Variants in FBXW8 observed in about 807,000 individuals in gnomAD.
FBXW8 encodes F-box/WD repeat-containing protein 8.
FBXW8 carries 57 observed loss-of-function variants against 65.3 expected under a neutral mutation model. The ratio of observed to expected loss-of-function variants is 0.87; its 90% CI spans 0.71 to 1.09. The LOEUF is 1.09. Among genes scored for constraint, FBXW8 ranks in the 50% least tolerant of loss-of-function variants. The pLI is 0.00. For missense variants in FBXW8, 777 were observed against 814.8 expected, an observed-to-expected ratio of 0.95 and a Z score of 0.57; for synonymous variants, 308 against 330.2, an observed-to-expected ratio of 0.93 and a Z score of 0.73.
At chr12:116,926,241 G>C (rs1207167585) in intron 1 of FBXW8, among the ~76,000 whole-genome samples, 2 of 152,190 alleles carry the variant, frequency 1.3e-5, no homozygotes, top group Non-Finnish European at 2.9e-5. Flanking sequence ...ACAGTGAAAG[G>C]CTAGATGAGA....
chr12:116,983,629 AAGAT>A (rs1234192754), intron 5 of FBXW8, among the ~76,000 whole-genome samples: 7 of 152,382 alleles, frequency 4.6e-5, no homozygotes, highest in African/African-American at 1.2e-4. Flanking sequence ...AGAAAAAAGA[AAGAT>A]AGGAAGATAC....
At chr12:116,942,582 GC>G (rs1882667717) in intron 2 of FBXW8, among the ~76,000 whole-genome samples, 1 of 150,832 alleles carries the variant, frequency 6.6e-6, no homozygotes. Flanking sequence ...CACCATGTTG[GC>G]CAGGCTGGTC....
intron 5 of FBXW8, among the ~76,000 whole-genome samples, chr12:116,968,849 T>A (rs996330124): frequency 6.6e-6 from 1 of 152,196 alleles, no homozygotes; most frequent in African/African-American, 2.4e-5. Flanking sequence ...CTACTTGTAG[T>A]TCTTTCTTTT....
intron 6 of FBXW8, 77 bp downstream of exon 6, chr12:116,985,479 T>C (rs1885614053): frequency 7.1e-7 from 1 of 1,414,758 alleles, no homozygotes; most frequent in Non-Finnish European, 9.7e-7. Context: ...ACTAATGGTG[T>C]TGGTAACTCC....
chr12:116,980,221 CTG>C (rs1459669383), intron 5 of FBXW8: 1 of 152,242 alleles, frequency 6.6e-6, no homozygotes, highest in Non-Finnish European at 1.5e-5. Context: ...GAGATAAGAT[CTG>C]TGGTGCACAC....
chr12:116,932,561 C>T (rs190292486), intron 2 of FBXW8, among the ~76,000 whole-genome samples: 199 of 152,248 alleles, frequency 1.3e-3, no homozygotes, highest in Middle Eastern at 6.8e-3. Flanking sequence ...TTTTCTTTGA[C>T]GGAGTCTCGC....
intron 7 of FBXW8, among the ~76,000 whole-genome samples, chr12:117,001,091 A>G (rs1953510006): frequency 6.6e-6 from 1 of 152,168 alleles, no homozygotes; most frequent in Non-Finnish European, 1.5e-5. Context: ...TTCCGAAGGA[A>G]TTTGTGTGAA....
At chr12:116,962,579 A>G (rs1884051701) in intron 4 of FBXW8, among the ~76,000 whole-genome samples, 1 of 152,222 alleles carries the variant, frequency 6.6e-6, no homozygotes, top group Non-Finnish European at 1.5e-5. Flanking sequence ...CAAGAAGGAA[A>G]TACAGTTTCC....
At position 116,936,869 on chromosome 12, in the gene FBXW8, T is replaced by C. The variant is rs776361420; in HGVS notation, c.424-8495T>C. On this transcript the variant is annotated intron_variant, in intron 2 of 10. Coordinates refer to ENST00000652555, the MANE Select transcript of FBXW8 (RefSeq NM_153348.3). This position sits in a 1 kb window ranked among gnomAD's most constrained non-coding sequence, Gnocchi z 4.6. ...AGAACTCGAAGTTTTGTGAATAAGA[T>C]GGGAAGCCTTTGGAGTGCTTTGAGC... is the stretch of plus-strand genomic sequence containing the variant. Among the ~76,000 whole-genome samples the C allele has an allele frequency of 2.6e-5, 4 of 152,098 alleles. No individual in the cohort carries two copies. The highest frequency in any genetic ancestry group is 4.4e-5 in the Non-Finnish European group (3 of 68,016).
At chr12:116,994,788 G>A (rs543635978) in intron 7 of FBXW8, among the ~76,000 whole-genome samples, 1 of 152,154 alleles carries the variant, frequency 6.6e-6, no homozygotes, top group Non-Finnish European at 1.5e-5. Flanking sequence ...GGCTCCCTAC[G>A]GATGGATGCT....
intron 5 of FBXW8, chr12:116,978,772 A>G (rs1362455378): frequency 6.6e-6 from 1 of 152,270 alleles, no homozygotes; most frequent in Non-Finnish European, 1.5e-5. Flanking sequence ...TTTGTGGTGC[A>G]TGGAAAAGAT....
At chr12:117,027,555 A>G (rs1480310082) in intron 10 of FBXW8, 51 bp downstream of exon 10, 3 of 1,377,644 alleles carry the variant, frequency 2.2e-6, no homozygotes, top group East Asian at 2.4e-5. Context: ...TGACTGATGT[A>G]TAGAACCCCA....
chr12:117,019,932 T>A (rs1425935165), intron 8 of FBXW8, among the ~76,000 whole-genome samples: 1 of 152,230 alleles, frequency 6.6e-6, no homozygotes, highest in African/African-American at 2.4e-5. Flanking sequence ...ACATTCAAAA[T>A]GGGCCTCAAA....
At chr12:116,925,036 TGAACACAG>T (rs1444274128) in intron 1 of FBXW8, among the ~76,000 whole-genome samples, 2 of 151,938 alleles carry the variant, frequency 1.3e-5, no homozygotes, top group Admixed American at 6.6e-5. Context: ...GGGAATATAT[TGAACACAG>T]GACTATCGTG....
rs147968895 is a variant in FBXW8 at position 116,956,116 on chromosome 12, TA to T, written c.677+6418del. Among the ~76,000 whole-genome samples, 20 of 152,152 alleles carry T rather than the reference TA, an allele frequency of 1.3e-4. 1 individual carries two copies. In the South Asian group the frequency reaches 3.5e-3, roughly 27 times the overall value. On this transcript the variant is annotated intron_variant, in intron 4 of 10. Transcript: ENST00000652555. Reference sequence around the variant, plus strand: ...GAGGACATTTTCTCTCTTTTGGTTTTAAAAAAAACACCAAGCAACCTGTTTG... The same window carrying T: ...GAGGACATTTTCTCTCTTTTGGTTTTAAAAAAACACCAAGCAACCTGTTTG...
chr12:117,018,558 C>T (rs765431501), intron 8 of FBXW8, among the ~76,000 whole-genome samples: 31 of 152,142 alleles, frequency 2.0e-4, no homozygotes, highest in Non-Finnish European at 1.8e-4. Context: ...ATCTGAATGG[C>T]TTGGGTGGAC....
intron 7 of FBXW8, among the ~76,000 whole-genome samples, chr12:117,004,318 G>A (rs146127058): frequency 6.6e-6 from 1 of 151,902 alleles, no homozygotes; most frequent in East Asian, 1.9e-4. Flanking sequence ...TTCTTTATTT[G>A]ATCTTGCCTG....
At chr12:117,012,067 G>A (rs1202226713) in intron 8 of FBXW8, among the ~76,000 whole-genome samples, 1 of 152,116 alleles carries the variant, frequency 6.6e-6, no homozygotes, top group Admixed American at 6.5e-5. Flanking sequence ...TTGAGCATCT[G>A]TAGATTTTGG....
At chr12:116,911,377 C>A (rs1879922753) in intron 1 of FBXW8, 22 bp downstream of exon 1, 4 of 1,256,122 alleles carry the variant, frequency 3.2e-6, no homozygotes, top group South Asian at 3.0e-5. Flanking sequence ...TCGCCTCCCC[C>A]CCGCCCATGC....
Sources: gnomAD v4.1 joint callset for allele counts (sites outside exome capture counted in the v4.1 genomes callset) on GRCh38, gnomAD v4.1.1 for gene constraint, Gnocchi (gnomAD v3.1) non-coding constraint, MANE v1.5 for transcripts, NCBI Gene and HGNC (gene_info 2026-07-23, HGNC 2026-07-21) for gene names.